The following DPYS variants were observed in gnomAD, a reference collection of about 807,000 sequenced individuals.
The protein encoded by DPYS is dihydropyrimidinase.
A neutral mutation model predicts 50.3 loss-of-function variants in DPYS; 39 were observed. That is an observed-to-expected ratio of 0.78 (90% confidence interval 0.60 to 1.01). The LOEUF (loss-of-function observed/expected upper bound fraction) is 1.01, where lower values mean the gene tolerates loss of function less well. Among genes scored for constraint, DPYS ranks in the 50% least tolerant of loss-of-function variants. The pLI is 0.00. For missense variants in DPYS, 659 were observed against 680.9 expected (o/e 0.97, Z 0.36); for synonymous variants, 245 against 250.7 (o/e 0.98, Z 0.22).
At chr8:104,405,226 A>T (rs1231460310) in intron 7 of DPYS, among the ~76,000 whole-genome samples, 1 of 152,176 alleles carries the variant, frequency 6.6e-6, no homozygotes, top group African/African-American at 2.4e-5. Flanking sequence ...TCTCTCAACA[A>T]TCCACCTTTG....
In DPYS at chr8:104,430,645, T is replaced by C. The variant is rs1268933702; in HGVS notation, c.794-944A>G. Among the ~76,000 whole-genome samples the C allele has an allele frequency of 2.6e-5, 4 of 152,188 alleles. No homozygotes were observed. In the East Asian group the frequency reaches 5.8e-4, roughly 22 times the overall value. On this transcript the variant is annotated intron_variant, in intron 4 of 9. Coordinates refer to ENST00000351513, the MANE Select transcript of DPYS (RefSeq NM_001385.3). ...AGTACTGACAGTAGATGGCCGCCAG[T>C]TGCCTGAGTCATATCAAATTGGAAC...
intron 6 of DPYS, among the ~76,000 whole-genome samples, chr8:104,427,277 C>A (rs112859147): frequency 2.0e-5 from 3 of 148,354 alleles, no homozygotes; most frequent in Non-Finnish European, 4.5e-5. Flanking sequence ...GAATACGCTT[C>A]GTGTATTTTT....
intron 6 of DPYS, among the ~76,000 whole-genome samples, chr8:104,425,716 G>A (rs1490711167): frequency 6.6e-6 from 1 of 152,100 alleles, no homozygotes; most frequent in Non-Finnish European, 1.5e-5. Flanking sequence ...ATAGTCTATT[G>A]CAAGAGATTT....
Position 104,447,406 on chromosome 8 carries a change from T to A in DPYS, c.521A>T (p.Glu174Val), listed in dbSNP as rs754650129. 5 of 1,613,988 alleles carry A rather than the reference T, an allele frequency of 3.1e-6. No individual in the cohort carries two copies. Among genetic ancestry groups the A allele is most frequent in the South Asian group, 1.1e-5 (1 of 91,036 alleles). The change falls in exon 3 of 10, where the codon GAG becomes GTG. Residue 174 changes from glutamate (E) to valine (V), a missense_variant. By Grantham distance (121) the Glu-to-Val change is moderately radical (BLOSUM62 -2). Coordinates refer to ENST00000351513, the MANE Select transcript of DPYS (RefSeq NM_001385.3). The part of the protein sequence containing the change: ...YKDLYMVTDL[E>V]LYEAFSRCKE... ...GCACCGAGAGAAGGCTTCGTACAGC[T>A]CCAGGTCTGTCACCATGTACAGATC...
intron 4 of DPYS, among the ~76,000 whole-genome samples, chr8:104,431,616 T>C (rs1425101293): frequency 6.6e-6 from 1 of 152,036 alleles, no homozygotes; most frequent in African/African-American, 2.4e-5. Context: ...AACTGGATAA[T>C]TCAGCATAAT....
intron 1 of DPYS, among the ~76,000 whole-genome samples, chr8:104,454,904 T>C (rs1813872314): frequency 6.6e-6 from 1 of 152,186 alleles, no homozygotes; most frequent in Non-Finnish European, 1.5e-5. Flanking sequence ...GCAAGTGCTG[T>C]GATGCTGTTT....
chr8:104,392,267 A>T (rs970581978), intron 8 of DPYS, among the ~76,000 whole-genome samples: 5 of 152,156 alleles, frequency 3.3e-5, no homozygotes, highest in African/African-American at 1.2e-4. Flanking sequence ...TAGCTGGGAG[A>T]TCTGAGACTT....
chr8:104,459,100 C>CTCAAAAATT (rs1814030456), intron 1 of DPYS, among the ~76,000 whole-genome samples: 1 of 152,156 alleles, frequency 6.6e-6, no homozygotes, highest in Non-Finnish European at 1.5e-5. Context: ...ATTGAAGTGT[C>CTCAAAAATT]CTTTCTCAAC....
intron 1 of DPYS, among the ~76,000 whole-genome samples, chr8:104,465,465 C>T (rs1040010084): frequency 6.6e-6 from 1 of 152,150 alleles, no homozygotes; most frequent in African/African-American, 2.4e-5. Context: ...TCTCTCAAGG[C>T]AGCTCAAAAC....
intron 8 of DPYS, among the ~76,000 whole-genome samples, chr8:104,388,374 GA>G (rs201141810): frequency 2.7e-5 from 4 of 149,088 alleles, no homozygotes; most frequent in African/African-American, 7.4e-5. Context: ...CCCTATTACT[GA>G]AAAAAAAAGA....
chr8:104,462,003 T>C (rs977551044), intron 1 of DPYS, among the ~76,000 whole-genome samples: 1 of 152,188 alleles, frequency 6.6e-6, no homozygotes, highest in African/African-American at 2.4e-5. Flanking sequence ...TTATAGGTGA[T>C]TTAAATATTA....
In DPYS at chr8:104,444,255, C is replaced by T. The variant is rs775882911; in HGVS notation, c.786G>A (p.Arg262=). ...KSAAKVIADA[R]RDGKVVYGEP... ...GTTACATTCGAGAATTACCATCTCT[C>T]CTTGCATCCGCTATCACCTTAGCTG... is the stretch of plus-strand genomic sequence containing the variant. The change falls in exon 4 of 10, where the codon AGG becomes AGA. Residue 262 remains arginine (R), a synonymous_variant. Coordinates refer to ENST00000351513, the MANE Select transcript of DPYS (RefSeq NM_001385.3). 3 of 1,614,188 alleles carry T rather than the reference C, an allele frequency of 1.9e-6. No homozygotes were observed. In the South Asian group the frequency reaches 3.3e-5, roughly 18 times the overall value.
At position 104,379,795 on chromosome 8, in the gene DPYS, T is replaced by C. The variant is rs1243801114; in HGVS notation, c.*63A>G. The C allele has an allele frequency of 4.4e-6, 2 of 456,602 alleles. No individual in the cohort carries two copies. The highest frequency in any genetic ancestry group is 1.4e-4 in the East Asian group (2 of 14,382). The allele number at this position is 456,602 out of a possible 1,614,324, so 28.3% of individuals were successfully genotyped here. On this transcript the variant is annotated 3_prime_UTR_variant, in exon 10 of 10. Coordinates refer to ENST00000351513, the MANE Select transcript of DPYS (RefSeq NM_001385.3). ...GGCCTGCTTCTCCATGGGTTGACAA[T>C]GTTTGGCTGTGAAGGGAATGGCAGC...
intron 2 of DPYS, among the ~76,000 whole-genome samples, chr8:104,449,628 C>T (rs181438026): frequency 1.5e-4 from 23 of 152,306 alleles, no homozygotes; most frequent in East Asian, 3.9e-4. Flanking sequence ...CGAGCATGTG[C>T]GCTTTATCCA....
chr8:104,382,307 G>A (rs1811079451), intron 8 of DPYS, among the ~76,000 whole-genome samples: 1 of 152,114 alleles, frequency 6.6e-6, no homozygotes, highest in African/African-American at 2.4e-5. Context: ...TCCCTCACCA[G>A]GCCAAGCCTC....
intron 4 of DPYS, among the ~76,000 whole-genome samples, chr8:104,440,517 G>A (rs1397103673): frequency 2.0e-5 from 3 of 151,990 alleles, no homozygotes; most frequent in South Asian, 2.1e-4. Flanking sequence ...CACCCGCCCC[G>A]GCCTCCCAAA....
At chr8:104,450,218 G>A (rs1813689543) in intron 2 of DPYS, among the ~76,000 whole-genome samples, 2 of 151,820 alleles carry the variant, frequency 1.3e-5, no homozygotes, top group Admixed American at 6.6e-5. Flanking sequence ...AAGAAAAGGA[G>A]GGACGATCCT....
intron 1 of DPYS, among the ~76,000 whole-genome samples, chr8:104,466,390 G>C (rs1307662377): frequency 6.6e-6 from 1 of 152,174 alleles, no homozygotes. Context: ...CCTTAAACTC[G>C]TCAAATTAAC....
chr8:104,445,768 G>A (rs781544305), intron 3 of DPYS, among the ~76,000 whole-genome samples: 96 of 152,296 alleles, frequency 6.3e-4, no homozygotes, highest in Non-Finnish European at 1.0e-3. Flanking sequence ...CCTTTTGGCC[G>A]GGCGCGGTGG....
Sources: allele counts gnomAD v4.1 joint callset (sites outside exome capture counted in the v4.1 genomes callset), GRCh38; gene constraint gnomAD v4.1.1; transcripts MANE v1.5; gene names NCBI Gene and HGNC (gene_info 2026-07-23, HGNC 2026-07-21).